The following ICE1 variants were observed in gnomAD, a reference collection of about 807,000 sequenced individuals.
ICE1 encodes interactor of little elongation complex ELL subunit 1, also known as little elongation complex subunit 1.
A neutral mutation model predicts 192.7 loss-of-function variants in ICE1; 64 were observed. That is an observed-to-expected ratio of 0.33 (90% CI 0.27 to 0.41). The LOEUF is 0.41. Among genes scored for constraint, ICE1 ranks in the 10% least tolerant of loss-of-function variants. ICE1 has a pLI of 1.00. For synonymous variants in ICE1, 1,010 were observed against 984.5 expected (o/e 1.03, Z -0.49); for missense variants, 2,708 against 2,696.0 (o/e 1.00, Z -0.10).
chr5:5,429,116 A>C (rs1307585439), intron 1 of ICE1, among the ~76,000 whole-genome samples: 11 of 152,136 alleles, frequency 7.2e-5, no homozygotes, highest in Non-Finnish European at 1.6e-4. Context: ...CACATGCCTA[A>C]TTGCTCCAGT....
At chr5:5,427,268 A>G (rs181994628) in intron 1 of ICE1, among the ~76,000 whole-genome samples, 17 of 152,334 alleles carry the variant, frequency 1.1e-4, no homozygotes, top group South Asian at 2.1e-4. Flanking sequence ...CCATAGCCCA[A>G]TGCCCAAAGT....
In ICE1 at chr5:5,464,435, T is replaced by C. The variant is rs760330400; in HGVS notation, c.5101T>C (p.Ser1701Pro). The C allele has an allele frequency of 4.3e-6, 7 of 1,613,696 alleles. No individual in the cohort carries two copies. The East Asian group carries it at 1.3e-4, about 31-fold the overall frequency. Reference sequence around the variant, plus strand: ...TCCTCCAGATCCTTCTCCATCTCCATCTGCAGCTTCAGCCAGTGAGAGGGT... The same window carrying C: ...TCCTCCAGATCCTTCTCCATCTCCACCTGCAGCTTCAGCCAGTGAGAGGGT... ...ASPPDPSPSP[S>P]AASASERVVP... Residue 1701 changes from serine to proline, a missense_variant, in exon 13 of 19, where the codon TCT becomes CCT. Coordinates refer to ENST00000296564, the MANE Select transcript of ICE1 (RefSeq NM_015325.3). The surrounding 1 kb of genome is among the most constrained non-coding windows in gnomAD (Gnocchi z 4.0).
Position 5,457,707 on chromosome 5 carries a change from C to G in ICE1, c.1067C>G (p.Pro356Arg), listed in dbSNP as rs763187327. Residue 356 changes from proline (P) to arginine (R), a missense_variant, in exon 12 of 19, where the codon CCT becomes CGT. Around this residue, in one of 2 missense-constraint regions of ICE1, gnomAD observed 2,366 missense variants for 2,276.6 expected, o/e 1.04. Transcript: ENST00000296564. Reference protein sequence around the residue: ...PVPSPPPMSSPHPGSLPSSFA... With the variant: ...PVPSPPPMSSRHPGSLPSSFA... Reference sequence around the variant, plus strand: ...CCCTCGCCCCCTCCGATGTCATCACCTCACCCGGGTTCCTTACCGTCTTCA... The same window carrying G: ...CCCTCGCCCCCTCCGATGTCATCACGTCACCCGGGTTCCTTACCGTCTTCA... 1 of 1,613,410 alleles carries G rather than the reference C, an allele frequency of 6.2e-7. No homozygotes were observed. Among genetic ancestry groups the G allele is most frequent in the Non-Finnish European group, 8.5e-7 (1 of 1,179,520 alleles).
intron 17 of ICE1, among the ~76,000 whole-genome samples, chr5:5,479,444 CAG>C (rs1302221600): frequency 6.6e-6 from 1 of 152,176 alleles, no homozygotes; most frequent in East Asian, 1.9e-4. Flanking sequence ...CAGGAAACAA[CAG>C]ATGCTGGTGA....
At position 5,444,275 on chromosome 5, in the gene ICE1, A is replaced by G; in HGVS notation, c.387-14A>G. 6.4e-7 allele frequency: 1 copy of G among 1,551,480 alleles called. No individual in the cohort carries two copies. Among genetic ancestry groups the G allele is most frequent in the Non-Finnish European group, 8.7e-7 (1 of 1,143,052 alleles). On this transcript the variant is annotated splice_polypyrimidine_tract_variant and intron_variant, in intron 6 of 18. Coordinates refer to ENST00000296564, the MANE Select transcript of ICE1 (RefSeq NM_015325.3). ...CTCTTTCTTGCCATTTAACTTACAC[A>G]ATTTCGTTATTAGGAAGAAGAAACT...
intron 1 of ICE1, among the ~76,000 whole-genome samples, chr5:5,431,586 G>C (rs1377976229): frequency 3.3e-5 from 5 of 152,164 alleles, no homozygotes; most frequent in Non-Finnish European, 5.9e-5. Flanking sequence ...CATTTCGAAG[G>C]CTTGCTTTCT....
At chr5:5,483,274 G>A (rs1479520697) in intron 17 of ICE1, among the ~76,000 whole-genome samples, 1 of 152,146 alleles carries the variant, frequency 6.6e-6, no homozygotes, top group Non-Finnish European at 1.5e-5. Flanking sequence ...GGGATTACAG[G>A]TGTGAGCCAC....
At chr5:5,481,407 T>C (rs1739501524) in intron 17 of ICE1, among the ~76,000 whole-genome samples, 1 of 152,142 alleles carries the variant, frequency 6.6e-6, no homozygotes, top group Admixed American at 6.5e-5. Context: ...AGCAGCCTCT[T>C]TGCGTTTATA....
Position 5,462,978 on chromosome 5 carries a change from T to C in ICE1, c.3644T>C (p.Ile1215Thr), listed in dbSNP as rs1554015364. The stretch of plus-strand genomic sequence containing the variant: ...AACAAAGAATTAAAGGCAAGTGAAA[T>C]AGGAGAAAAATACAGAAAGCAACCC... ...EMNKELKASE[I>T]GEKYRKQPCE... The change falls in exon 13 of 19, where the codon ATA becomes ACA. Residue 1215 changes from isoleucine (I) to threonine (T), a missense_variant. Transcript: ENST00000296564. 2 of 1,613,132 alleles carry C rather than the reference T, an allele frequency of 1.2e-6. No individual in the cohort carries two copies. Among genetic ancestry groups the C allele is most frequent in the Non-Finnish European group, 1.7e-6 (2 of 1,179,626 alleles).
chr5:5,485,038 G>T (rs1320015694), intron 17 of ICE1, among the ~76,000 whole-genome samples: 2 of 151,894 alleles, frequency 1.3e-5, no homozygotes, highest in East Asian at 3.9e-4. Context: ...GTAGGGGAAT[G>T]GGGGGAATGA....
chr5:5,460,014 G>T (rs968116301), intron 12 of ICE1, among the ~76,000 whole-genome samples: 1 of 152,142 alleles, frequency 6.6e-6, no homozygotes, highest in African/African-American at 2.4e-5. Flanking sequence ...AGGCTGTACC[G>T]GGCACAAGTC....
intron 15 of ICE1, among the ~76,000 whole-genome samples, chr5:5,471,598 A>T (rs1289005649): frequency 6.6e-6 from 1 of 152,166 alleles, no homozygotes; most frequent in Non-Finnish European, 1.5e-5. Context: ...AACTAAATAG[A>T]GTTTATCCTG....
intron 18 of ICE1, among the ~76,000 whole-genome samples, 167 bp downstream of exon 18, chr5:5,486,986 G>T (rs1211938714): frequency 6.6e-6 from 1 of 152,170 alleles, no homozygotes; most frequent in Non-Finnish European, 1.5e-5. Context: ...TGTGTGTGTG[G>T]ATTTTGTGGT....
chr5:5,474,416 G>T (rs901797835), intron 16 of ICE1, among the ~76,000 whole-genome samples: 1 of 152,090 alleles, frequency 6.6e-6, no homozygotes, highest in African/African-American at 2.4e-5. Flanking sequence ...CACAAGGGGA[G>T]CACCTGGCGA....
intron 10 of ICE1, among the ~76,000 whole-genome samples, chr5:5,451,043 G>A (rs1445165549): frequency 1.3e-5 from 2 of 152,122 alleles, no homozygotes; most frequent in African/African-American, 2.4e-5. Context: ...AAGTTGACTA[G>A]TAAGTGAACA....
chr5:5,430,894 A>T (rs1283049254), intron 1 of ICE1, among the ~76,000 whole-genome samples: 1 of 152,246 alleles, frequency 6.6e-6, no homozygotes, highest in Non-Finnish European at 1.5e-5. Flanking sequence ...TGAAGATATT[A>T]GTGAGTGCTT....
intron 4 of ICE1, among the ~76,000 whole-genome samples, chr5:5,440,247 CT>C (rs1434861431): frequency 6.6e-6 from 1 of 152,126 alleles, no homozygotes; most frequent in Non-Finnish European, 1.5e-5. Flanking sequence ...GGTGGTTTAT[CT>C]TCTGTTACTT....
In ICE1 at chr5:5,457,409, C is replaced by G; in HGVS notation, c.769C>G (p.Leu257Val). 1 of 1,613,728 alleles carries G rather than the reference C, an allele frequency of 6.2e-7. No homozygotes were observed. The highest frequency in any genetic ancestry group is 8.5e-7 in the Non-Finnish European group (1 of 1,179,796). Residue 257 changes from leucine (L) to valine (V), a missense_variant, in exon 12 of 19, where the codon CTC becomes GTC. This residue lies in a region of ICE1 where 2,366 missense variants were observed against 2,276.6 expected (regional missense o/e 1.04). Coordinates refer to ENST00000296564, the MANE Select transcript of ICE1 (RefSeq NM_015325.3). ...GCTACCTCCAACACAGGGCAGCCCT[C>G]TCAGGACCTCAAATGTGCAGACATG... ...GTLPPTQGSP[L>V]RTSNVQTCLT...
chr5:5,459,995 C>T (rs1035165509), intron 12 of ICE1, among the ~76,000 whole-genome samples: 2 of 152,100 alleles, frequency 1.3e-5, no homozygotes, highest in African/African-American at 4.8e-5. Context: ...GTCCCTCCCC[C>T]CCTGCACAAG....
Sources: gnomAD v4.1 joint callset for allele counts (sites outside exome capture counted in the v4.1 genomes callset) on GRCh38, gnomAD v4.1.1 for gene constraint, gnomAD v4.1.1 regional missense constraint, Gnocchi (gnomAD v3.1) non-coding constraint, MANE v1.5 for transcripts, NCBI Gene and HGNC (gene_info 2026-07-23, HGNC 2026-07-21) for gene names.